The following TEP1 variants were observed in gnomAD, a reference collection of about 807,000 sequenced individuals.
TEP1 encodes telomerase associated protein 1, also known as telomerase protein component 1.
Under a neutral mutation model 306.3 loss-of-function variants are expected in TEP1, and 241 were observed. The observed-to-expected ratio is 0.79, with a 90% confidence interval of 0.71 to 0.88. The LOEUF (loss-of-function observed/expected upper bound fraction) is 0.88. TEP1 is among the 40% of genes least tolerant of loss of function. The pLI, the probability that TEP1 is intolerant of heterozygous loss-of-function variation, is 0.00. For synonymous variants in TEP1, 1,289 were observed against 1,305.5 expected, an observed-to-expected ratio of 0.99 and a Z score of 0.27; for missense variants, 3,051 against 3,276.1, an observed-to-expected ratio of 0.93 and a Z score of 1.68.
At chr14:20,396,119 T>C (rs563116066) in intron 10 of TEP1, among the ~76,000 whole-genome samples, 170 bp from the exon 11 acceptor site, 1 of 152,288 alleles carries the variant, frequency 6.6e-6, no homozygotes, top group Admixed American at 6.5e-5. Context: ...CATTTTAGGA[T>C]GTGAGAAAAG....
Position 20,377,265 on chromosome 14 carries a change from A to G in TEP1, c.6088+15T>C, listed in dbSNP as rs1329536978. The G allele has an allele frequency of 6.4e-7, 1 of 1,571,036 alleles. No homozygotes were observed. On this transcript the variant is annotated intron_variant, in intron 41 of 54. Coordinates refer to ENST00000262715, the MANE Select transcript of TEP1 (RefSeq NM_007110.5). ...GAACAGTAATTTGTTAACCCTGCCC[A>G]CTGTCTAGTAGTACCTGAGGCAGAA...
intron 1 of TEP1, among the ~76,000 whole-genome samples, chr14:20,408,706 G>A (rs572876770): frequency 6.6e-6 from 1 of 152,248 alleles, no homozygotes; most frequent in Non-Finnish European, 1.5e-5. Context: ...AGTGGCTCAT[G>A]CCTGTAATCC....
Position 20,406,319 on chromosome 14 carries a change from C to G in TEP1, c.649G>C (p.Glu217Gln). Residue 217 changes from glutamate to glutamine, a missense_variant, in exon 3 of 55, where the codon GAG becomes CAG. Around this residue, in one of 3 missense-constraint regions of TEP1, gnomAD observed 1,507 missense variants for 1,550.5 expected, o/e 0.97. Coordinates refer to ENST00000262715, the MANE Select transcript of TEP1 (RefSeq NM_007110.5). ...AGCTTCACGGCCAGATCCTCCACCTCCTCCTCCTCTCCCAAGCTCAGACTA... is the reference window on the plus strand; with the variant it reads ...AGCTTCACGGCCAGATCCTCCACCTGCTCCTCCTCTCCCAAGCTCAGACTA... ...SYSLSLGEEEEVEDLAVKLTS... is the reference protein window; with the variant it reads ...SYSLSLGEEEQVEDLAVKLTS... 1 of 1,614,142 alleles carries G rather than the reference C, an allele frequency of 6.2e-7. No homozygotes were observed. Among genetic ancestry groups the G allele is most frequent in the Non-Finnish European group, 8.5e-7 (1 of 1,180,026 alleles).
chr14:20,404,776 G>A lies in TEP1; in HGVS notation c.871-4C>T, dbSNP rs188723191. 2 of 1,603,740 alleles carry A rather than the reference G, an allele frequency of 1.2e-6. No individual in the cohort carries two copies. The highest frequency in any genetic ancestry group is 1.1e-5 in the South Asian group (1 of 89,066). On this transcript the variant is annotated splice_region_variant and splice_polypyrimidine_tract_variant and intron_variant, in intron 4 of 54. Transcript: ENST00000262715. ...GCTGCCTGGCATACAAAGATGCCTA[G>A]GACACAGGGTGAGAGGACTAGAATC... is the stretch of plus-strand genomic sequence containing the variant.
chr14:20,402,745 A>T (rs1418545117), intron 7 of TEP1, among the ~76,000 whole-genome samples: 2 of 152,160 alleles, frequency 1.3e-5, no homozygotes, highest in South Asian at 2.1e-4. Flanking sequence ...ACAATACCTT[A>T]TTTGTCCAAA....
In TEP1 at chr14:20,386,127, T is replaced by C. The variant is rs1877122914; in HGVS notation, c.2930A>G (p.Tyr977Cys). Reference protein sequence around the residue: ...QLFVGILGSRYGYIPPSYNLP... With the variant: ...QLFVGILGSRCGYIPPSYNLP... ...GTTGTAGCTGGGGGGAATGTATCCA[T>C]AACGGGAGCCCAGAATCCCCACAAA... Residue 977 changes from tyrosine to cysteine, a missense_variant, in exon 20 of 55, where the codon TAT (tyrosine) becomes TGT (cysteine). Tyr to Cys is a radical substitution (Grantham distance 194, BLOSUM62 -2). Coordinates refer to ENST00000262715, the MANE Select transcript of TEP1 (RefSeq NM_007110.5). 1.2e-6 allele frequency: 2 copies of C among 1,613,334 alleles called. No individual in the cohort carries two copies. The highest frequency in any genetic ancestry group is 1.3e-5 in the African/African-American group (1 of 74,852).
At position 20,405,422 on chromosome 14, in the gene TEP1, C is replaced by A. The variant is rs1879100555; in HGVS notation, c.870+29G>T. On this transcript the variant is annotated intron_variant, in intron 4 of 54. Transcript: ENST00000262715. ...ACACTCCCAGTCTACCAGCTTCACACCCCCATCCCCTCCTTCACACCTCAA... is the reference window on the plus strand; with the variant it reads ...ACACTCCCAGTCTACCAGCTTCACAACCCCATCCCCTCCTTCACACCTCAA... The A allele has an allele frequency of 1.9e-6, 3 of 1,611,870 alleles. No individual in the cohort carries two copies. The Admixed American group carries it at 5.0e-5, about 27-fold the overall frequency.
At chr14:20,386,901 T>C (rs1439374386) in intron 18 of TEP1, among the ~76,000 whole-genome samples, 1 of 152,146 alleles carries the variant, frequency 6.6e-6, no homozygotes, top group Non-Finnish European at 1.5e-5. Flanking sequence ...AGGTAAGCAC[T>C]ATCATTATCT....
In TEP1 at chr14:20,368,281, A is replaced by G. The variant is rs1018496079; in HGVS notation, c.*156T>C. ...GAATATCCTCCTGTTCTAAATCCAC[A>G]TGAGAACACAGGCAGGCCTACACTT... On this transcript the variant is annotated 3_prime_UTR_variant, in exon 55 of 55. Transcript: ENST00000262715. 20 of 761,454 alleles carry G rather than the reference A, an allele frequency of 2.6e-5. No homozygotes were observed. The East Asian group carries it at 3.1e-4, about 12-fold the overall frequency. The allele number at this position is 761,454 out of a possible 1,614,324, so 47.2% of individuals were successfully genotyped here. A position where few individuals can be genotyped will look rare whatever the true frequency, so the allele number is the denominator to read the frequency against.
chr14:20,412,342 A>G (rs1879733775), intron 1 of TEP1, among the ~76,000 whole-genome samples: 2 of 152,120 alleles, frequency 1.3e-5, no homozygotes, highest in Non-Finnish European at 2.9e-5. Context: ...ACATAGTGAG[A>G]CTGTCCTATC....
At chr14:20,397,412 G>C (rs1201681446) in intron 9 of TEP1, among the ~76,000 whole-genome samples, 1 of 152,066 alleles carries the variant, frequency 6.6e-6, no homozygotes, top group Non-Finnish European at 1.5e-5. Flanking sequence ...GAAAGGCTGA[G>C]TCAGGAGAAT....
intron 1 of TEP1, 70 bp from the exon 2 acceptor site, chr14:20,408,533 T>G: frequency 8.3e-7 from 1 of 1,207,952 alleles, no homozygotes; most frequent in Non-Finnish European, 1.1e-6. Flanking sequence ...AGAGCATATC[T>G]TCCCCACAGC....
rs1346021342 is a variant in TEP1, at chr14:20,385,001, C to T, written c.3091G>A (p.Asp1031Asn). ...AGACAGTACCTGAGGAAGCTGGAAT[C>T]CCGGAAGTAGATGAGAGCTTGGGCA... ...PSAQALIYFR[D>N]SSFLSSVPDA... Residue 1031 changes from aspartate to asparagine, a missense_variant, in exon 21 of 55, where the codon GAT (aspartate) becomes AAT (asparagine). Around this residue, in one of 3 missense-constraint regions of TEP1, gnomAD observed 1,507 missense variants for 1,550.5 expected, o/e 0.97. Coordinates refer to ENST00000262715, the MANE Select transcript of TEP1 (RefSeq NM_007110.5). 6.2e-7 allele frequency: 1 copy of T among 1,614,202 alleles called. No homozygotes were observed. The highest frequency in any genetic ancestry group is 8.5e-7 in the Non-Finnish European group (1 of 1,180,046).
In TEP1 at chr14:20,382,281, CCTT is replaced by C. The variant is rs780725515; in HGVS notation, c.4213_4215del (p.Lys1405del). 6.2e-7 allele frequency: 1 copy of C among 1,614,146 alleles called. No individual in the cohort carries two copies. Among genetic ancestry groups the C allele is most frequent in the Admixed American group, 1.7e-5 (1 of 60,018 alleles). On this transcript the variant is annotated inframe_deletion, in exon 29 of 55. Transcript: ENST00000262715. The stretch of plus-strand genomic sequence containing the variant: ...TGGGGAAGGACATCAGGCCCGTGCT[CCTT>C]CTCCAGTGTGCTCAGGATGTGCTGC...
intron 34 of TEP1, 59 bp from the exon 35 acceptor site, chr14:20,380,112 A>T: frequency 6.3e-7 from 1 of 1,590,118 alleles, no homozygotes; most frequent in Non-Finnish European, 8.6e-7. Context: ...ACAGGAGTTG[A>T]TTTATGTGCT....
At position 20,411,682 on chromosome 14, in the gene TEP1, G is replaced by GA. The variant is rs60285926; in HGVS notation, c.-25+1722dup. On this transcript the variant is annotated intron_variant, in intron 1 of 54. Coordinates refer to ENST00000262715, the MANE Select transcript of TEP1 (RefSeq NM_007110.5). Reference sequence around the variant, plus strand: ...GTAAAAGCTATGGAGCTTTTTCACAGAAAAAAAAAAAGTATATACTGTTTT... The same window carrying GA: ...GTAAAAGCTATGGAGCTTTTTCACAGAAAAAAAAAAAAGTATATACTGTTTT... Among the ~76,000 whole-genome samples the GA allele has an allele frequency of 1.3e-3, 197 of 147,384 alleles. 1 individual carries two copies. Among genetic ancestry groups the GA allele is most frequent in the Non-Finnish European group, 1.8e-3 (118 of 66,486 alleles).
chr14:20,408,189 G>A lies in TEP1; in HGVS notation c.251C>T (p.Thr84Ile). The stretch of plus-strand genomic sequence containing the variant: ...CTCCATGGTCTTCAGGTCAGAAAGT[G>A]TGGCCAGGCACTGGTTCTCCAAGGA... ...ILSLENQCLA[T>I]LSDLKTMEKP... Residue 84 changes from threonine to isoleucine, a missense_variant, in exon 2 of 55, where the codon ACA becomes ATA. By Grantham distance (89) the Thr-to-Ile change is moderately conservative (BLOSUM62 -1). Coordinates refer to ENST00000262715, the MANE Select transcript of TEP1 (RefSeq NM_007110.5). 1.2e-6 allele frequency: 2 copies of A among 1,613,828 alleles called. No homozygotes were observed. Among genetic ancestry groups the A allele is most frequent in the Non-Finnish European group, 1.7e-6 (2 of 1,179,938 alleles).
At chr14:20,410,867 G>A (rs1249345006) in intron 1 of TEP1, among the ~76,000 whole-genome samples, 1 of 140,842 alleles carries the variant, frequency 7.1e-6, no homozygotes, top group Non-Finnish European at 1.5e-5. Flanking sequence ...TCTATTGCTG[G>A]CTGGAGTGCA....
At chr14:20,399,385 T>C (rs1172613802) in intron 9 of TEP1, among the ~76,000 whole-genome samples, 1 of 152,194 alleles carries the variant, frequency 6.6e-6, no homozygotes, top group Non-Finnish European at 1.5e-5. Flanking sequence ...ACTGGACATT[T>C]ATCCTTAAGA....
Sources: allele counts gnomAD v4.1 joint callset (sites outside exome capture counted in the v4.1 genomes callset), GRCh38; gene constraint gnomAD v4.1.1; regional missense constraint gnomAD v4.1.1; transcripts MANE v1.5; gene names NCBI Gene and HGNC (gene_info 2026-07-23, HGNC 2026-07-21).